Variants in ALG6 observed in about 807,000 individuals in gnomAD.
ALG6 encodes ALG6 alpha-1,3-glucosyltransferase, also known as dolichyl pyrophosphate Man9GlcNAc2 alpha-1,3-glucosyltransferase.
In ALG6, 46 loss-of-function variants were observed where a neutral mutation model predicts 66.6. That is an observed-to-expected ratio of 0.69 (90% CI 0.55 to 0.88). The LOEUF is 0.88. Ranked by LOEUF, ALG6 falls within the 40% of genes least tolerant of loss-of-function variation. The probability of loss-of-function intolerance (pLI) is 0.00; values close to 1 mark genes in which losing one functional copy is unlikely to be tolerated. For missense variants in ALG6, 505 were observed against 586.8 expected, an observed-to-expected ratio of 0.86 and a Z score of 1.44; for synonymous variants, 185 against 203.7, an observed-to-expected ratio of 0.91 and a Z score of 0.78.
In ALG6 at chr1:63,371,054, A is replaced by T. The variant is rs747624965; in HGVS notation, c.77A>T (p.Tyr26Phe). 6.3e-7 allele frequency: 1 copy of T among 1,598,032 alleles called. No homozygotes were observed. Among genetic ancestry groups the T allele is most frequent in the Admixed American group, 1.7e-5 (1 of 59,984 alleles). ...TVRWTVSLNSYSGAGKPPMFG... is the reference protein window; with the variant it reads ...TVRWTVSLNSFSGAGKPPMFG... ...CGATGGACAGTGTCTCTTAATTCTT[A>T]TTCAGGTAATACATTTTTACTGGTT... The change falls in exon 2 of 15, where the codon TAT becomes TTT. Residue 26 changes from tyrosine (Y) to phenylalanine (F), a missense_variant. Physicochemically the swap from Tyr to Phe is conservative, Grantham distance 22. Coordinates refer to ENST00000263440, the MANE Select transcript of ALG6 (RefSeq NM_013339.4).
intron 11 of ALG6, among the ~76,000 whole-genome samples, chr1:63,416,410 A>G (rs1644546231): frequency 6.6e-6 from 1 of 152,160 alleles, no homozygotes; most frequent in Non-Finnish European, 1.5e-5. Context: ...GTTATATAGC[A>G]GAAGAGAAGT....
chr1:63,412,165 C>G lies in ALG6; in HGVS notation c.816+104C>G. On this transcript the variant is annotated intron_variant, in intron 9 of 14. Coordinates refer to ENST00000263440, the MANE Select transcript of ALG6 (RefSeq NM_013339.4). ...AGGAATAGGAACTTCAGCTACTTTC[C>G]TCCTGTAATCATTCCTTGCCAGTTA... is the stretch of plus-strand genomic sequence containing the variant. 2.0e-6 allele frequency: 3 copies of G among 1,501,906 alleles called. No homozygotes were observed. The East Asian group carries it at 6.8e-5, about 34-fold the overall frequency. The allele number at this position is 1,501,906 out of a possible 1,614,324, so 93.0% of individuals were successfully genotyped here. A position where few individuals can be genotyped will look rare whatever the true frequency, so the allele number is the denominator to read the frequency against.
At chr1:63,428,065 C>T (rs1644626673) in intron 12 of ALG6, among the ~76,000 whole-genome samples, 1 of 152,106 alleles carries the variant, frequency 6.6e-6, no homozygotes, top group South Asian at 2.1e-4. Flanking sequence ...CAGCCTTGGC[C>T]TACCAAAGTA....
chr1:63,400,260 T>C lies in ALG6; in HGVS notation c.168-1994T>C, dbSNP rs1266143641. Among the ~76,000 whole-genome samples the C allele has an allele frequency of 2.2e-3, 3 of 1,394 alleles. 1 individual carries two copies. The highest frequency in any genetic ancestry group is 6.8e-3 in the African/African-American group (3 of 444). 0.9% of individuals were successfully genotyped at this position (1,394 alleles called of 152,430 possible). On this transcript the variant is annotated intron_variant, in intron 3 of 14. Coordinates refer to ENST00000263440, the MANE Select transcript of ALG6 (RefSeq NM_013339.4). ...ATATATATACGTATATATATGTATATATATATACGTATATATATATACGTA... is the reference window on the plus strand; with the variant it reads ...ATATATATACGTATATATATGTATACATATATACGTATATATATATACGTA...
At chr1:63,422,444 AAT>A (rs1305196802) in intron 12 of ALG6, among the ~76,000 whole-genome samples, 6 of 118,462 alleles carry the variant, frequency 5.1e-5, no homozygotes, top group East Asian at 2.2e-4. Context: ...TATATATATA[AAT>A]ATATATATAA....
At chr1:63,427,700 G>A (rs1044916909) in intron 12 of ALG6, among the ~76,000 whole-genome samples, 1 of 151,664 alleles carries the variant, frequency 6.6e-6, no homozygotes, top group Admixed American at 6.6e-5. Context: ...CTCCTTCTTT[G>A]AGCATTGCCA....
chr1:63,435,295 T>A (rs960548087), intron 14 of ALG6, among the ~76,000 whole-genome samples: 2 of 152,218 alleles, frequency 1.3e-5, no homozygotes, highest in Non-Finnish European at 2.9e-5. Flanking sequence ...CAGTCCCATA[T>A]TTCTTAAGTT....
intron 2 of ALG6, among the ~76,000 whole-genome samples, chr1:63,395,795 A>C (rs1007613971): frequency 1.1e-4 from 17 of 152,156 alleles, no homozygotes; most frequent in Non-Finnish European, 2.9e-5. Flanking sequence ...ATAAACCTGG[A>C]TATAATTATT....
chr1:63,393,481 A>G (rs1458537529), intron 2 of ALG6, among the ~76,000 whole-genome samples: 2 of 152,230 alleles, frequency 1.3e-5, no homozygotes, highest in African/African-American at 4.8e-5. Flanking sequence ...AACTGAAAGT[A>G]TAAGTATTGT....
At chr1:63,382,901 C>T (rs1648377492) in intron 2 of ALG6, among the ~76,000 whole-genome samples, 1 of 152,074 alleles carries the variant, frequency 6.6e-6, no homozygotes, top group South Asian at 2.1e-4. Context: ...TGGTCTCGAG[C>T]TCCTGACCTC....
At chr1:63,401,537 G>A (rs746543863) in intron 3 of ALG6, among the ~76,000 whole-genome samples, 2 of 151,638 alleles carry the variant, frequency 1.3e-5, no homozygotes, top group African/African-American at 2.4e-5. Flanking sequence ...CTGGTGGTGG[G>A]TGCCTGTAAT....
Position 63,414,097 on chromosome 1 carries a change from T to A in ALG6, c.853T>A (p.Phe285Ile). The A allele has an allele frequency of 6.2e-7, 1 of 1,613,240 alleles. No homozygotes were observed. The highest frequency in any genetic ancestry group is 8.5e-7 in the Non-Finnish European group (1 of 1,179,362). ...CAATATTTGGTGCAGCTTCAATGTCTTTCTGAAGATTAAGGATATTTTGCC... is the reference window on the plus strand; with the variant it reads ...CAATATTTGGTGCAGCTTCAATGTCATTCTGAAGATTAAGGATATTTTGCC... ...VANIWCSFNV[F>I]LKIKDILPRH... The change falls in exon 10 of 15, where the codon TTT (phenylalanine) becomes ATT (isoleucine). Residue 285 changes from phenylalanine to isoleucine, a missense_variant. By Grantham distance (21) the Phe-to-Ile change is conservative (BLOSUM62 0). Transcript: ENST00000263440.
In ALG6 at chr1:63,410,993, G is replaced by A. The variant is rs536844165; in HGVS notation, c.495-153G>A. On this transcript the variant is annotated intron_variant, in intron 7 of 14. Coordinates refer to ENST00000263440, the MANE Select transcript of ALG6 (RefSeq NM_013339.4). ...CTTCAGTACTTTGAATTTCTATTGGGAAATAGCTTTCATTGTATATGTTAT... is the reference window on the plus strand; with the variant it reads ...CTTCAGTACTTTGAATTTCTATTGGAAAATAGCTTTCATTGTATATGTTAT... The A allele has an allele frequency of 9.0e-4, 638 of 712,350 alleles. 9 individuals are homozygous for A. The South Asian group carries it at 0.013, about 14-fold the overall frequency. The allele number at this position is 712,350 out of a possible 1,614,324, so 44.1% of individuals were successfully genotyped here. A position where few individuals can be genotyped will look rare whatever the true frequency, so the allele number is the denominator to read the frequency against.
chr1:63,407,682 T>G (rs545703690), intron 7 of ALG6, among the ~76,000 whole-genome samples: 1 of 152,174 alleles, frequency 6.6e-6, no homozygotes, highest in Admixed American at 6.5e-5. Flanking sequence ...TAATTTGTCT[T>G]ATAATATATT....
At chr1:63,410,627 G>A (rs943601919) in intron 7 of ALG6, among the ~76,000 whole-genome samples, 9 of 152,106 alleles carry the variant, frequency 5.9e-5, no homozygotes, top group African/African-American at 2.2e-4. Context: ...GTAAACATTA[G>A]TGCCTAGCTC....
At chr1:63,436,727 C>T in intron 14 of ALG6, 96 bp from the exon 15 acceptor site, 1 of 1,228,898 alleles carries the variant, frequency 8.1e-7, no homozygotes, top group East Asian at 2.3e-5. Context: ...CAACCCTCAC[C>T]TTTAATTCTG....
At chr1:63,424,960 G>A (rs1263188182) in intron 12 of ALG6, among the ~76,000 whole-genome samples, 1 of 151,856 alleles carries the variant, frequency 6.6e-6, no homozygotes, top group Non-Finnish European at 1.5e-5. Flanking sequence ...TGTATTTTTA[G>A]TAGAGACAGG....
chr1:63,411,477 A>G (rs1389940124), intron 8 of ALG6, 146 bp downstream of exon 8: 3 of 724,444 alleles, frequency 4.1e-6, no homozygotes, highest in Non-Finnish European at 6.7e-6. Context: ...GAAGAGAGAG[A>G]TTAAGTCATG....
chr1:63,368,189 G>A (rs901778330), intron 1 of ALG6, among the ~76,000 whole-genome samples: 3 of 152,184 alleles, frequency 2.0e-5, no homozygotes, highest in Admixed American at 2.0e-4. Context: ...GCCAGTGGAT[G>A]GGTTAGAAAA....
Sources: allele counts gnomAD v4.1 joint callset (sites outside exome capture counted in the v4.1 genomes callset), GRCh38; gene constraint gnomAD v4.1.1; transcripts MANE v1.5; gene names NCBI Gene and HGNC (gene_info 2026-07-23, HGNC 2026-07-21).